The following BRAF variants were observed in gnomAD, a reference collection of about 807,000 sequenced individuals.
BRAF encodes the protein serine/threonine-protein kinase B-raf.
A neutral mutation model predicts 104.6 loss-of-function variants in BRAF; 16 were observed. The ratio of observed to expected loss-of-function variants is 0.15; its 90% CI spans 0.10 to 0.23. BRAF has a LOEUF of 0.23. Ranked by LOEUF, BRAF falls within the 10% of genes least tolerant of loss-of-function variation. BRAF has a pLI of 1.00. For missense variants in BRAF, 541 were observed against 937.3 expected, an observed-to-expected ratio of 0.58 and a Z score of 5.52; for synonymous variants, 310 against 341.6, an observed-to-expected ratio of 0.91 and a Z score of 1.02.
intron 10 of BRAF, chr7:140,783,416 A>G (rs1314139681): frequency 2.8e-6 from 1 of 352,500 alleles, no homozygotes; most frequent in Non-Finnish European, 5.1e-6. Flanking sequence ...TACTGGTGCA[A>G]AATCTAGGAG....
intron 3 of BRAF, among the ~76,000 whole-genome samples, chr7:140,829,977 A>G (rs572735504): frequency 6.6e-6 from 1 of 152,226 alleles, no homozygotes; most frequent in Admixed American, 6.5e-5. Context: ...TGCCCACTTT[A>G]TCTCATATCT....
At chr7:140,799,725 T>C in intron 7 of BRAF, 1 of 232,434 alleles carries the variant, frequency 4.3e-6, no homozygotes, top group Non-Finnish European at 8.5e-6. Context: ...TCTGTAAACA[T>C]GAATACATTT....
intron 3 of BRAF, among the ~76,000 whole-genome samples, chr7:140,816,018 A>G (rs1804842700): frequency 6.6e-6 from 1 of 152,218 alleles, no homozygotes; most frequent in Non-Finnish European, 1.5e-5. Context: ...CTAAGGGGAA[A>G]AAACTTACCA....
At chr7:140,781,497 A>T in intron 12 of BRAF, 79 bp downstream of exon 11, 1 of 1,284,394 alleles carries the variant, frequency 7.8e-7, no homozygotes, top group Admixed American at 1.7e-5. Flanking sequence ...ATTTCCTTTG[A>T]TGATATTTTT....
intron 2 of BRAF, among the ~76,000 whole-genome samples, chr7:140,836,521 G>GT (rs59782580): frequency 0.3 from 45,791 of 151,944 alleles, 10,964 homozygotes; most frequent in African/African-American, 0.67. Context: ...AGCTACTGAG[G>GT]AAGAGATTTA....
In BRAF at chr7:140,720,080, GACAACTACTGAATAAAA is replaced by G. The variant is rs1217176535; in HGVS notation, c.*6397_*6413del. 9.4e-7 allele frequency: 1 copy of G among 1,060,112 alleles called. No individual in the cohort carries two copies. Among genetic ancestry groups the G allele is most frequent in the African/African-American group, 1.6e-5 (1 of 60,764 alleles). The allele number at this position is 1,060,112 out of a possible 1,614,324, so 65.7% of individuals were successfully genotyped here. A position where few individuals can be genotyped will look rare whatever the true frequency, so the allele number is the denominator to read the frequency against. ...TTCTTGGTCTAAACCAAAGAGCAAT[GACAACTACTGAATAAAA>G]TTCAGAGACACATGTTGATGAATGA... On this transcript the variant is annotated 3_prime_UTR_variant, in exon 20 of 20. Coordinates refer to ENST00000644969, the MANE Select transcript of BRAF (RefSeq NM_001374258.1).
intron 7 of BRAF, among the ~76,000 whole-genome samples, chr7:140,795,182 T>C (rs1378843923): frequency 6.6e-6 from 1 of 152,240 alleles, no homozygotes; most frequent in Admixed American, 6.5e-5. Context: ...CACCAAAATA[T>C]GTTACATACC....
chr7:140,787,724 A>G, intron 8 of BRAF, 140 bp from the exon 9 acceptor site: 1 of 728,448 alleles, frequency 1.4e-6, no homozygotes, highest in Non-Finnish European at 2.3e-6. Flanking sequence ...ACACAAAACA[A>G]TTTGGAATTA....
At chr7:140,787,728 G>A in intron 8 of BRAF, 144 bp from the exon 9 acceptor site, 1 of 711,284 alleles carries the variant, frequency 1.4e-6, no homozygotes, top group East Asian at 2.8e-5. Flanking sequence ...AAAACAATTT[G>A]GAATTATCTA....
At chr7:140,836,265 G>C (rs1413819366) in intron 2 of BRAF, 1 of 152,068 alleles carries the variant, frequency 6.6e-6, no homozygotes, top group Non-Finnish European at 1.5e-5. Context: ...TCTTAAAAAG[G>C]AAAGAAAGAA....
At chr7:140,866,034 A>G (rs758013848) in intron 1 of BRAF, among the ~76,000 whole-genome samples, 12 of 152,202 alleles carry the variant, frequency 7.9e-5, no homozygotes, top group Non-Finnish European at 1.3e-4. Context: ...TTTACGTAAC[A>G]TTTACAAATT....
intron 19 of BRAF, chr7:140,734,380 A>G: frequency 7.2e-7 from 1 of 1,392,964 alleles, no homozygotes; most frequent in South Asian, 1.6e-5. Context: ...AATTTTTAGC[A>G]ATGTCTATGT....
intron 14 of BRAF, among the ~76,000 whole-genome samples, chr7:140,766,651 C>T (rs1799356227): frequency 6.6e-6 from 1 of 151,696 alleles, no homozygotes; most frequent in Non-Finnish European, 1.5e-5. Context: ...GGTGCAATCT[C>T]CACTCACTGC....
Position 140,719,650 on chromosome 7 carries a change from T to C in BRAF, c.*6844A>G, listed in dbSNP as rs1232088438. On this transcript the variant is annotated 3_prime_UTR_variant, in exon 20 of 20. Transcript: ENST00000644969. ...AAATAATAAAAGATTCAAGCAAACA[T>C]TGAGAATAGGGGAAAAGAGGGAGAC... 9.4e-7 allele frequency: 1 copy of C among 1,062,054 alleles called. No individual in the cohort carries two copies. Among genetic ancestry groups the C allele is most frequent in the East Asian group, 5.0e-5 (1 of 19,804 alleles). 65.8% of individuals were successfully genotyped at this position (1,062,054 alleles called of 1,614,324 possible). A position where few individuals can be genotyped will look rare whatever the true frequency, so the allele number is the denominator to read the frequency against.
rs1585895015 is a variant in BRAF, at chr7:140,724,978, T to C, written c.*1516A>G. On this transcript the variant is annotated 3_prime_UTR_variant, in exon 20 of 20. Transcript: ENST00000644969. ...GCAAAGATAAGATTTAGGTTCTTAATGAATGCCAGTTCTTTCTATAAAAAC... is the reference window on the plus strand; with the variant it reads ...GCAAAGATAAGATTTAGGTTCTTAACGAATGCCAGTTCTTTCTATAAAAAC... 1.9e-6 allele frequency: 2 copies of C among 1,044,572 alleles called. No homozygotes were observed. Among genetic ancestry groups the C allele is most frequent in the East Asian group, 1.1e-4 (2 of 17,534 alleles). The allele number at this position is 1,044,572 out of a possible 1,614,324, so 64.7% of individuals were successfully genotyped here.
intron 1 of BRAF, among the ~76,000 whole-genome samples, chr7:140,883,764 T>C (rs1813209222): frequency 6.6e-6 from 1 of 152,236 alleles, no homozygotes; most frequent in Non-Finnish European, 1.5e-5. Flanking sequence ...GTGCTGTGTA[T>C]ATAAAATAAA....
chr7:140,894,491 T>A lies in BRAF; in HGVS notation c.138+30075A>T, dbSNP rs549700994. On this transcript the variant is annotated intron_variant, in intron 1 of 19. Coordinates refer to ENST00000644969, the MANE Select transcript of BRAF (RefSeq NM_001374258.1). Reference sequence around the variant, plus strand: ...TCATATGAAGAGATGGAAAAAAATTTTTTTAATGGTAGCTGGGGAAAGGGA... The same window carrying A: ...TCATATGAAGAGATGGAAAAAAATTATTTTAATGGTAGCTGGGGAAAGGGA... Among the ~76,000 whole-genome samples, 9 of 152,266 alleles carry A rather than the reference T, an allele frequency of 5.9e-5. No individual in the cohort carries two copies. The South Asian group carries it at 1.7e-3, about 28-fold the overall frequency.
intron 14 of BRAF, among the ~76,000 whole-genome samples, chr7:140,762,610 T>TG (rs1473134647): frequency 8.6e-6 from 1 of 116,184 alleles, no homozygotes; most frequent in African/African-American, 3.2e-5. Context: ...GCTGTTTTTT[T>TG]TTTTTTTTTT....
At chr7:140,894,536 T>C (rs937657920) in intron 1 of BRAF, among the ~76,000 whole-genome samples, 12 of 152,156 alleles carry the variant, frequency 7.9e-5, no homozygotes, top group Admixed American at 5.9e-4. Context: ...GTACTGATTT[T>C]CTTACCTTTA....
Sources: allele counts gnomAD v4.1 joint callset (sites outside exome capture counted in the v4.1 genomes callset), GRCh38; gene constraint gnomAD v4.1.1; transcripts MANE v1.5; gene names NCBI Gene and HGNC (gene_info 2026-07-23, HGNC 2026-07-21).